The following FSHR variants were observed in gnomAD, a reference collection of about 807,000 sequenced individuals.
FSHR encodes follicle-stimulating hormone receptor.
A neutral mutation model predicts 52.1 loss-of-function variants in FSHR; 46 were observed. The ratio of observed to expected loss-of-function variants is 0.88; its 90% CI spans 0.70 to 1.13. The LOEUF (loss-of-function observed/expected upper bound fraction) is 1.13. Among genes scored for constraint, FSHR ranks in the 50% most tolerant of loss-of-function variants. The pLI is 0.00. For missense variants in FSHR, 964 were observed against 834.6 expected, an observed-to-expected ratio of 1.16 and a Z score of -1.91; for synonymous variants, 399 against 309.6, an observed-to-expected ratio of 1.29 and a Z score of -3.03.
intron 5 of FSHR, 112 bp downstream of exon 5, chr2:48,990,454 G>A (rs1438667325): frequency 1.1e-5 from 9 of 799,404 alleles, no homozygotes; most frequent in Non-Finnish European, 2.0e-5. Context: ...CTAACCCAGA[G>A]CAATACATTT....
chr2:49,061,238 G>C (rs186623176), intron 2 of FSHR, among the ~76,000 whole-genome samples: 2 of 152,238 alleles, frequency 1.3e-5, no homozygotes, highest in Admixed American at 1.3e-4. Context: ...AGGTATGCAA[G>C]ACCATAAGCC....
rs137917023 is a variant in FSHR at position 49,120,129 on chromosome 2, G to C, written c.152+34137C>G. Among the ~76,000 whole-genome samples the C allele has an allele frequency of 1.6e-3, 243 of 152,266 alleles. 1 individual carries two copies. The highest frequency in any genetic ancestry group is 5.7e-3 in the African/African-American group (235 of 41,544). On this transcript the variant is annotated intron_variant, in intron 1 of 9. Transcript: ENST00000406846. ...TACTAAAAATACAAAAAATTATCTG[G>C]GCATGGTGGTGCCTGCCTGTAATCT...
At chr2:49,104,050 G>C (rs1429785682) in intron 1 of FSHR, among the ~76,000 whole-genome samples, 1 of 152,006 alleles carries the variant, frequency 6.6e-6, no homozygotes, top group Non-Finnish European at 1.5e-5. Context: ...TAAAGGCTTG[G>C]GGGAGATGAT....
intron 6 of FSHR, among the ~76,000 whole-genome samples, chr2:48,986,653 T>C (rs1675529684): frequency 6.6e-6 from 1 of 152,184 alleles, no homozygotes; most frequent in Non-Finnish European, 1.5e-5. Flanking sequence ...AAAAGTGTGT[T>C]CCTAAATTCT....
At chr2:49,036,333 C>T (rs955649530) in intron 2 of FSHR, among the ~76,000 whole-genome samples, 2 of 152,038 alleles carry the variant, frequency 1.3e-5, no homozygotes, top group African/African-American at 4.8e-5. Flanking sequence ...GTTTCATCAT[C>T]TCCAGTTACC....
chr2:49,059,741 G>A (rs549018893), intron 2 of FSHR: 7 of 152,076 alleles, frequency 4.6e-5, no homozygotes, highest in Middle Eastern at 6.8e-3. Flanking sequence ...CTAAATATAC[G>A]TCCAAAAATG....
At chr2:48,999,159 T>C (rs1244060077) in intron 4 of FSHR, among the ~76,000 whole-genome samples, 1 of 152,066 alleles carries the variant, frequency 6.6e-6, no homozygotes, top group Non-Finnish European at 1.5e-5. Context: ...TGCTATTCTG[T>C]TCTGGAAAGT....
At chr2:49,015,656 G>T (rs1302523562) in intron 4 of FSHR, among the ~76,000 whole-genome samples, 2 of 152,106 alleles carry the variant, frequency 1.3e-5, no homozygotes, top group Non-Finnish European at 2.9e-5. Flanking sequence ...AGGCATGTTA[G>T]CCTCTGCAGA....
intron 1 of FSHR, among the ~76,000 whole-genome samples, chr2:49,073,932 C>G (rs549435350): frequency 6.6e-6 from 1 of 152,076 alleles, no homozygotes; most frequent in African/African-American, 2.4e-5. Flanking sequence ...AGAACACTCA[C>G]TGGGGAAAGG....
intron 1 of FSHR, among the ~76,000 whole-genome samples, chr2:49,091,710 G>T (rs546316335): frequency 6.6e-6 from 1 of 152,280 alleles, no homozygotes; most frequent in East Asian, 1.9e-4. Context: ...ATAATTTTGT[G>T]GGTCTGTTCT....
At chr2:48,982,495 G>A (rs916747881) in intron 8 of FSHR, among the ~76,000 whole-genome samples, 1 of 152,086 alleles carries the variant, frequency 6.6e-6, no homozygotes, top group Non-Finnish European at 1.5e-5. Flanking sequence ...AGTGGTTGTG[G>A]GTCTGTACCA....
At chr2:49,015,483 T>G (rs1306495610) in intron 4 of FSHR, among the ~76,000 whole-genome samples, 1 of 152,190 alleles carries the variant, frequency 6.6e-6, no homozygotes, top group Non-Finnish European at 1.5e-5. Flanking sequence ...ATCTAAATCT[T>G]GTTTGAGGTT....
intron 1 of FSHR, among the ~76,000 whole-genome samples, chr2:49,120,007 C>T (rs1038944443): frequency 6.6e-6 from 1 of 152,212 alleles, no homozygotes; most frequent in Non-Finnish European, 1.5e-5. Flanking sequence ...TCGTGGCTCA[C>T]ACCTGTAATC....
At chr2:49,126,671 T>C (rs1360446828) in intron 1 of FSHR, among the ~76,000 whole-genome samples, 1 of 152,194 alleles carries the variant, frequency 6.6e-6, no homozygotes, top group Admixed American at 6.5e-5. Context: ...GGGATCACTA[T>C]GTTCAATTCT....
At chr2:49,106,016 C>T (rs1016477732) in intron 1 of FSHR, among the ~76,000 whole-genome samples, 3 of 152,126 alleles carry the variant, frequency 2.0e-5, no homozygotes, top group African/African-American at 7.2e-5. Context: ...GTAAAATGGG[C>T]ATATGACTAT....
At chr2:49,140,012 G>A (rs1672621112) in intron 1 of FSHR, among the ~76,000 whole-genome samples, 1 of 152,050 alleles carries the variant, frequency 6.6e-6, no homozygotes, top group Non-Finnish European at 1.5e-5. Context: ...ATATATCTGG[G>A]GGCAACTGAG....
chr2:48,989,138 C>T (rs781129340), intron 5 of FSHR, 84 bp from the exon 6 acceptor site: 37 of 946,758 alleles, frequency 3.9e-5, no homozygotes, highest in South Asian at 1.2e-4. Flanking sequence ...TGGCATGATG[C>T]GGTCTTCAGC....
chr2:49,036,229 G>A (rs1464894689), intron 2 of FSHR, among the ~76,000 whole-genome samples: 3 of 152,052 alleles, frequency 2.0e-5, no homozygotes, highest in Non-Finnish European at 4.4e-5. Context: ...TACGGTGGCT[G>A]ATTTTGTTCT....
At chr2:49,106,269 T>A (rs1671217591) in intron 1 of FSHR, among the ~76,000 whole-genome samples, 1 of 152,114 alleles carries the variant, frequency 6.6e-6, no homozygotes, top group Admixed American at 6.5e-5. Flanking sequence ...GGCACACTTA[T>A]ACCTAGGAGT....
Sources: gnomAD v4.1 joint callset for allele counts (sites outside exome capture counted in the v4.1 genomes callset) on GRCh38, gnomAD v4.1.1 for gene constraint, MANE v1.5 for transcripts, NCBI Gene and HGNC (gene_info 2026-07-23, HGNC 2026-07-21) for gene names.